Variants in DYNC2H1 observed in about 807,000 individuals in gnomAD.
DYNC2H1 encodes cytoplasmic dynein 2 heavy chain 1.
In DYNC2H1, 410 loss-of-function variants were observed where a neutral mutation model predicts 570.0. The observed-to-expected ratio is 0.72, with a 90% CI of 0.66 to 0.78. The LOEUF (loss-of-function observed/expected upper bound fraction) is 0.78. Among genes scored for constraint, DYNC2H1 ranks in the 30% least tolerant of loss-of-function variants. DYNC2H1 has a pLI of 0.00. For synonymous variants in DYNC2H1, 1,688 were observed against 1,677.6 expected, an observed-to-expected ratio of 1.01 and a Z score of -0.15; for missense variants, 4,865 against 5,046.4, an observed-to-expected ratio of 0.96 and a Z score of 1.09.
At chr11:103,156,269 T>G in intron 25 of DYNC2H1, 119 bp from the exon 26 acceptor site, 1 of 1,050,256 alleles carries the variant, frequency 9.5e-7, no homozygotes, top group South Asian at 1.7e-5. Context: ...TAACTTTTTT[T>G]TTTTTGCCTT....
intron 82 of DYNC2H1, among the ~76,000 whole-genome samples, chr11:103,329,192 T>C (rs1235464439): frequency 6.6e-6 from 1 of 151,900 alleles, no homozygotes; most frequent in Admixed American, 6.6e-5. Context: ...ATATCTATGA[T>C]TAACACATAC....
At chr11:103,409,140 A>C (rs1942985346) in intron 84 of DYNC2H1, among the ~76,000 whole-genome samples, 2 of 152,008 alleles carry the variant, frequency 1.3e-5, no homozygotes, top group South Asian at 4.1e-4. Context: ...TGTTTTTGGT[A>C]AACAGGCAGG....
Position 103,334,883 on chromosome 11 carries a change from C to T in DYNC2H1, c.12039+10893C>T, listed in dbSNP as rs992162888. 4.6e-5 allele frequency among the ~76,000 whole-genome samples: 7 copies of T among 151,998 alleles called. No homozygotes were observed. The highest frequency in any genetic ancestry group is 8.8e-5 in the Non-Finnish European group (6 of 67,932). On this transcript the variant is annotated intron_variant, in intron 82 of 88. Transcript: ENST00000375735. This position sits in a 1 kb window ranked among gnomAD's most constrained non-coding sequence, Gnocchi z 4.3. Reference sequence around the variant, plus strand: ...CATGCTGCAGAGAGAAGGGTATTTTCTAGTAATCTTCTCTGCAACTTTCAG... The same window carrying T: ...CATGCTGCAGAGAGAAGGGTATTTTTTAGTAATCTTCTCTGCAACTTTCAG...
At position 103,133,595 on chromosome 11, in the gene DYNC2H1, G is replaced by C; in HGVS notation, c.1994G>C (p.Trp665Ser). 1.2e-6 allele frequency: 2 copies of C among 1,610,544 alleles called. No individual in the cohort carries two copies. The highest frequency in any genetic ancestry group is 2.2e-5 in the East Asian group (1 of 44,764). The change falls in exon 14 of 89, where the codon TGG becomes TCG. Residue 665 changes from tryptophan (W) to serine (S), a missense_variant. Trp to Ser is a radical substitution (Grantham distance 177). Transcript: ENST00000375735. The surrounding 1 kb of genome is among the most constrained non-coding windows in gnomAD (Gnocchi z 4.8). ...AGTGGAGGGAAATCACAGATAACTT[G>C]GGATAATCCTAAAGAATTAGAAGGC... Reference protein sequence around the residue: ...AGSGGKSQITWDNPKELEGYI... With the variant: ...AGSGGKSQITSDNPKELEGYI...
At position 103,133,213 on chromosome 11, in the gene DYNC2H1, C is replaced by T. The variant is rs1859363756; in HGVS notation, c.1954-342C>T. Among the ~76,000 whole-genome samples, 1 of 152,056 alleles carries T rather than the reference C, an allele frequency of 6.6e-6. No homozygotes were observed. The highest frequency in any genetic ancestry group is 2.4e-5 in the African/African-American group (1 of 41,394). On this transcript the variant is annotated intron_variant, in intron 13 of 88. Transcript: ENST00000375735. The surrounding 1 kb of genome is among the most constrained non-coding windows in gnomAD (Gnocchi z 4.8). ...TCCAGATTGGAATCTTCTCTAGCGC[C>T]CTGTCCTGGATGTATAGGAGATAAT...
chr11:103,309,320 G>A (rs1388351858), intron 78 of DYNC2H1, among the ~76,000 whole-genome samples: 1 of 149,702 alleles, frequency 6.7e-6, no homozygotes, highest in Non-Finnish European at 1.5e-5. Context: ...AATTACAGGT[G>A]CTTCACCACA....
chr11:103,470,804 C>T (rs1338425881), intron 88 of DYNC2H1, among the ~76,000 whole-genome samples: 2 of 152,182 alleles, frequency 1.3e-5, no homozygotes, highest in African/African-American at 4.8e-5. Context: ...TTTTCTTAAT[C>T]CAGTCTATCG....
At chr11:103,434,558 T>A (rs87874) in intron 84 of DYNC2H1, among the ~76,000 whole-genome samples, 83,597 of 151,284 alleles carry the variant, frequency 0.55, 23,662 homozygotes, top group East Asian at 0.71. Flanking sequence ...TCAAGTCCAA[T>A]GCCATATGAT....
intron 1 of DYNC2H1, among the ~76,000 whole-genome samples, chr11:103,110,479 G>A (rs1425451359): frequency 1.3e-5 from 2 of 151,730 alleles, no homozygotes; most frequent in Non-Finnish European, 1.5e-5. Context: ...CATTGCCCAA[G>A]GGAAAGATTA....
chr11:103,136,100 C>T (rs1404374238), intron 17 of DYNC2H1, among the ~76,000 whole-genome samples, 152 bp downstream of exon 17: 3 of 151,614 alleles, frequency 2.0e-5, no homozygotes, highest in Non-Finnish European at 4.4e-5. Context: ...ACTTATACAA[C>T]CTAGATTTAT....
intron 87 of DYNC2H1, among the ~76,000 whole-genome samples, chr11:103,458,563 C>T (rs1245761389): frequency 1.3e-5 from 2 of 151,858 alleles, no homozygotes; most frequent in Admixed American, 6.6e-5. Flanking sequence ...AAATCTTGTC[C>T]TCAGGGAGTT....
intron 87 of DYNC2H1, among the ~76,000 whole-genome samples, chr11:103,459,689 A>C (rs1227971355): frequency 1.3e-5 from 2 of 151,616 alleles, no homozygotes. Flanking sequence ...GCGGTGGCTC[A>C]CGCCTGTAAT....
Position 103,468,683 on chromosome 11 carries a change from G to T in DYNC2H1, c.12743G>T (p.Cys4248Phe). The change falls in exon 88 of 89, where the codon TGT becomes TTT. Residue 4248 changes from cysteine (C) to phenylalanine (F), a missense_variant. Physicochemically the swap from Cys to Phe is radical, Grantham distance 205. Transcript: ENST00000375735. ...DSPSVSSVLP[C>F]FMGWIPQDAC... is the part of the protein sequence containing the mutation. ...CCCAGCGTGTCATCAGTGCTCCCTT[G>T]TTTTATGGGCTGGATTCCACAGGTA... 1 of 1,612,712 alleles carries T rather than the reference G, an allele frequency of 6.2e-7. No individual in the cohort carries two copies. The highest frequency in any genetic ancestry group is 8.5e-7 in the Non-Finnish European group (1 of 1,179,140).
At chr11:103,471,370 G>A (rs1945380574) in intron 88 of DYNC2H1, among the ~76,000 whole-genome samples, 1 of 152,200 alleles carries the variant, frequency 6.6e-6, no homozygotes, top group Admixed American at 6.5e-5. Flanking sequence ...CTACTGCTAA[G>A]TGTTTCAGAA....
chr11:103,128,995 A>C lies in DYNC2H1; in HGVS notation c.1943A>C (p.Gln648Pro). The C allele has an allele frequency of 6.2e-7, 1 of 1,601,808 alleles. No individual in the cohort carries two copies. The highest frequency in any genetic ancestry group is 8.5e-7 in the Non-Finnish European group (1 of 1,174,848). Residue 648 changes from glutamine (Q) to proline (P), a missense_variant, in exon 13 of 89, where the codon CAG becomes CCG. Physicochemically the swap from Gln to Pro is moderately conservative, Grantham distance 76. Coordinates refer to ENST00000375735, the MANE Select transcript of DYNC2H1 (RefSeq NM_001377.3). Reference protein sequence around the residue: ...MMLQSALAFEQIIKNSKAGSG... With the variant: ...MMLQSALAFEPIIKNSKAGSG... The stretch of plus-strand genomic sequence containing the variant: ...TTACAATCTGCCTTAGCATTTGAAC[A>C]GATAATTAAGGTAAATGGGCTTTTA...
At chr11:103,250,019 A>G (rs902825669) in intron 65 of DYNC2H1, among the ~76,000 whole-genome samples, 7 of 152,064 alleles carry the variant, frequency 4.6e-5, no homozygotes, top group South Asian at 2.1e-4. Flanking sequence ...ATAATGCACA[A>G]TTTCCCATGA....
intron 59 of DYNC2H1, among the ~76,000 whole-genome samples, chr11:103,227,288 CT>C (rs1863838552): frequency 6.6e-6 from 1 of 151,398 alleles, no homozygotes; most frequent in Admixed American, 6.6e-5. Flanking sequence ...TCTATTTATA[CT>C]CTTTCGTACT....
Position 103,241,496 on chromosome 11 carries a change from T to TA in DYNC2H1, c.9820-2196dup. 1 of 1,588,686 alleles carries TA rather than the reference T, an allele frequency of 6.3e-7. No homozygotes were observed. The highest frequency in any genetic ancestry group is 8.6e-7 in the Non-Finnish European group (1 of 1,161,120). On this transcript the variant is annotated intron_variant, in intron 63 of 88. Transcript: ENST00000375735. The surrounding 1 kb of genome is among the most constrained non-coding windows in gnomAD (Gnocchi z 5.1). ...CTTTGCTAAAAACATTTTGAAATGT[T>TA]ACCTTTCTTCTTTTCATTTAACTGC...
At chr11:103,464,197 C>G (rs575169014) in intron 87 of DYNC2H1, among the ~76,000 whole-genome samples, 1 of 151,934 alleles carries the variant, frequency 6.6e-6, no homozygotes, top group Admixed American at 6.6e-5. Context: ...ACTTGCAGTA[C>G]AAAATAACAA....
Sources: allele counts gnomAD v4.1 joint callset (sites outside exome capture counted in the v4.1 genomes callset), GRCh38; gene constraint gnomAD v4.1.1; non-coding constraint Gnocchi (gnomAD v3.1); transcripts MANE v1.5; gene names NCBI Gene and HGNC (gene_info 2026-07-23, HGNC 2026-07-21).